The following TOP1 variants were observed in gnomAD, a reference collection of about 807,000 sequenced individuals.
TOP1 encodes DNA topoisomerase I.
TOP1 carries 10 observed loss-of-function variants against 111.1 expected under a neutral mutation model. The ratio of observed to expected loss-of-function variants is 0.09; its 90% CI spans 0.06 to 0.15. The LOEUF (loss-of-function observed/expected upper bound fraction) is 0.15. Ranked by LOEUF, TOP1 falls within the 10% of genes least tolerant of loss-of-function variation. The probability of loss-of-function intolerance (pLI) is 1.00; values close to 1 mark genes in which losing one functional copy is unlikely to be tolerated. For synonymous variants in TOP1, 271 were observed against 302.9 expected (o/e 0.89, Z 1.10); for missense variants, 474 against 926.7 (o/e 0.51, Z 6.34).
intron 17 of TOP1, among the ~76,000 whole-genome samples, chr20:41,117,296 C>T (rs966817896): frequency 6.6e-6 from 1 of 151,798 alleles, no homozygotes; most frequent in Non-Finnish European, 1.5e-5. Flanking sequence ...GACCATACCA[C>T]CGCACTCCAG....
rs1023485670 is a variant in TOP1, at chr20:41,122,940, T to G, written c.2196-255T>G. 4.6e-5 allele frequency among the ~76,000 whole-genome samples: 7 copies of G among 152,230 alleles called. No individual in the cohort carries two copies. Among genetic ancestry groups the G allele is most frequent in the African/African-American group, 1.7e-4 (7 of 41,450 alleles). ...CTAGCTGTGTGAGAAAATCAGTAAA[T>G]TACCTAACGTCTCTGCCTCAGTTTC... On this transcript the variant is annotated intron_variant, in intron 20 of 20. Coordinates refer to ENST00000361337, the MANE Select transcript of TOP1 (RefSeq NM_003286.4). The surrounding 1 kb of genome is among the most constrained non-coding windows in gnomAD (Gnocchi z 5.4).
At chr20:41,068,638 T>C (rs1010056371) in intron 3 of TOP1, among the ~76,000 whole-genome samples, 12 of 152,100 alleles carry the variant, frequency 7.9e-5, no homozygotes, top group African/African-American at 2.9e-4. Flanking sequence ...ACTTCTGGGC[T>C]CCCACATTGG....
rs551122330 is a variant in TOP1, at chr20:41,087,032, A to C, written c.614+2464A>C. Among the ~76,000 whole-genome samples, 11 of 152,332 alleles carry C rather than the reference A, an allele frequency of 7.2e-5. 1 individual carries two copies. The highest frequency in any genetic ancestry group is 4.1e-4 in the South Asian group (2 of 4,824). ...CCTTATTTTTACTATTCCTTATGCTATCCTACTAAAAGAAGTACACACTTT... is the reference window on the plus strand; with the variant it reads ...CCTTATTTTTACTATTCCTTATGCTCTCCTACTAAAAGAAGTACACACTTT... On this transcript the variant is annotated intron_variant, in intron 8 of 20. Transcript: ENST00000361337.
At chr20:41,042,515 G>A (rs1164579616) in intron 2 of TOP1, among the ~76,000 whole-genome samples, 1 of 152,226 alleles carries the variant, frequency 6.6e-6, no homozygotes, top group Non-Finnish European at 1.5e-5. Flanking sequence ...ACTTTAGAAA[G>A]TAAGTGGAAT....
At chr20:41,064,475 C>T (rs1040673841) in intron 3 of TOP1, among the ~76,000 whole-genome samples, 1 of 152,224 alleles carries the variant, frequency 6.6e-6, no homozygotes, top group African/African-American at 2.4e-5. Context: ...TTCTAATGCA[C>T]AGTCATTCCT....
chr20:41,053,274 G>A (rs1348008412), intron 2 of TOP1, among the ~76,000 whole-genome samples: 1 of 151,954 alleles, frequency 6.6e-6, no homozygotes, highest in African/African-American at 2.4e-5. Context: ...TTAGCTTTCA[G>A]TAAGACTTGG....
chr20:41,110,057 C>T lies in TOP1; in HGVS notation c.1309-2725C>T, dbSNP rs532335468. Among the ~76,000 whole-genome samples, 3 of 152,234 alleles carry T rather than the reference C, an allele frequency of 2.0e-5. No individual in the cohort carries two copies. Among genetic ancestry groups the T allele is most frequent in the Admixed American group, 1.3e-4 (2 of 15,294 alleles). ...ATCCAAGCACTCTGGGAGGCCAAGG[C>T]GGGTGGATCACTTCAGGTCAGGAGT... On this transcript the variant is annotated intron_variant, in intron 13 of 20. Transcript: ENST00000361337. The surrounding 1 kb of genome is among the most constrained non-coding windows in gnomAD (Gnocchi z 4.2).
chr20:41,029,299 G>A lies in TOP1; in HGVS notation c.34-132G>A. 1 of 849,516 alleles carries A rather than the reference G, an allele frequency of 1.2e-6. No homozygotes were observed. Among genetic ancestry groups the A allele is most frequent in the Non-Finnish European group, 1.7e-6 (1 of 583,610 alleles). The allele number at this position is 849,516 out of a possible 1,614,324, so 52.6% of individuals were successfully genotyped here. A position where few individuals can be genotyped will look rare whatever the true frequency, so the allele number is the denominator to read the frequency against. ...GTTACAGTTCGAGGCAGGGATGGCT[G>A]CCCTCTGTGGCCACCCCCGGGTCCC... On this transcript the variant is annotated intron_variant, in intron 1 of 20. Coordinates refer to ENST00000361337, the MANE Select transcript of TOP1 (RefSeq NM_003286.4). The surrounding 1 kb of genome is among the most constrained non-coding windows in gnomAD (Gnocchi z 6.1).
chr20:41,121,915 G>A lies in TOP1; in HGVS notation c.2046-91G>A, dbSNP rs2034430128. The stretch of plus-strand genomic sequence containing the variant: ...TGTCTTTTGGAAATCTCTATACTAG[G>A]GCTTTTATTGACTCAAAGTGGCAGG... On this transcript the variant is annotated intron_variant, in intron 19 of 20. Transcript: ENST00000361337. This position sits in a 1 kb window ranked among gnomAD's most constrained non-coding sequence, Gnocchi z 4.2. 2.6e-6 allele frequency: 4 copies of A among 1,564,518 alleles called. No individual in the cohort carries two copies. The South Asian group carries it at 4.6e-5, about 18-fold the overall frequency.
chr20:41,090,069 G>A (rs2033901659), intron 8 of TOP1, among the ~76,000 whole-genome samples: 2 of 152,032 alleles, frequency 1.3e-5, no homozygotes, highest in South Asian at 4.2e-4. Flanking sequence ...TGCCTCCCAG[G>A]TTCAAGTGAT....
In TOP1 at chr20:41,091,965, C is replaced by T. The variant is rs2033925954; in HGVS notation, c.615-507C>T. Among the ~76,000 whole-genome samples the T allele has an allele frequency of 2.0e-5, 3 of 152,250 alleles. No homozygotes were observed. In the South Asian group the frequency reaches 6.2e-4, roughly 32 times the overall value. On this transcript the variant is annotated intron_variant, in intron 8 of 20. Coordinates refer to ENST00000361337, the MANE Select transcript of TOP1 (RefSeq NM_003286.4). Reference sequence around the variant, plus strand: ...CTTATCAGTGTTTGCTAGATAGTTCCAGGTAATGCGTAAGTACCTTAAACT... The same window carrying T: ...CTTATCAGTGTTTGCTAGATAGTTCTAGGTAATGCGTAAGTACCTTAAACT...
At chr20:41,099,338 C>T (rs2034026698) in intron 11 of TOP1, among the ~76,000 whole-genome samples, 1 of 152,120 alleles carries the variant, frequency 6.6e-6, no homozygotes, top group Non-Finnish European at 1.5e-5. Context: ...CTTAAAAGAT[C>T]ACTTTGGAGC....
chr20:41,104,329 G>T (rs968339491), intron 13 of TOP1, among the ~76,000 whole-genome samples: 1 of 152,222 alleles, frequency 6.6e-6, no homozygotes, highest in African/African-American at 2.4e-5. Context: ...CAAACAAGAA[G>T]TAGAGAGATC....
At chr20:41,063,488 T>G (rs999042297) in intron 3 of TOP1, among the ~76,000 whole-genome samples, 1 of 152,314 alleles carries the variant, frequency 6.6e-6, no homozygotes, top group East Asian at 1.9e-4. Context: ...AAGGTAGTTG[T>G]TTTTTTAAGT....
At chr20:41,084,126 A>G (rs541442984) in intron 7 of TOP1, among the ~76,000 whole-genome samples, 4 of 152,264 alleles carry the variant, frequency 2.6e-5, no homozygotes, top group South Asian at 2.1e-4. Context: ...AGGATTAAAC[A>G]TAAGTGAGGA....
rs113847550 is a variant in TOP1, at chr20:41,082,986, A to G, written c.508-1476A>G. 1.3e-5 allele frequency among the ~76,000 whole-genome samples: 2 copies of G among 152,368 alleles called. No individual in the cohort carries two copies. The highest frequency in any genetic ancestry group is 1.9e-4 in the East Asian group (1 of 5,190). ...GGGAAAAATGCTGGCTGAAAGACTG[A>G]ATTAATACAATCTTACTGTGGCAGG... On this transcript the variant is annotated intron_variant, in intron 7 of 20. Transcript: ENST00000361337. This position sits in a 1 kb window ranked among gnomAD's most constrained non-coding sequence, Gnocchi z 4.1.
rs1384675104 is a variant in TOP1, at chr20:41,110,286, A to AG, written c.1309-2493dup. Among the ~76,000 whole-genome samples, 3 of 152,052 alleles carry AG rather than the reference A, an allele frequency of 2.0e-5. No individual in the cohort carries two copies. The highest frequency in any genetic ancestry group is 6.6e-5 in the Admixed American group (1 of 15,258). ...GTGACAGAGCGAGACGCTGTCTCAG[A>AG]GGGAAAAAAAAAAGTTAAAAAGGCA... On this transcript the variant is annotated intron_variant, in intron 13 of 20. Transcript: ENST00000361337. This position sits in a 1 kb window ranked among gnomAD's most constrained non-coding sequence, Gnocchi z 4.2.
At position 41,032,238 on chromosome 20, in the gene TOP1, T is replaced by C. The variant is rs1433533957; in HGVS notation, c.58+2783T>C. The stretch of plus-strand genomic sequence containing the variant: ...CCTCATCCCCTAAGATATAAAAGAT[T>C]CCCCCCCGTCCCCCCACTTTGGAGC... On this transcript the variant is annotated intron_variant, in intron 2 of 20. Coordinates refer to ENST00000361337, the MANE Select transcript of TOP1 (RefSeq NM_003286.4). The surrounding 1 kb of genome is among the most constrained non-coding windows in gnomAD (Gnocchi z 4.3). Among the ~76,000 whole-genome samples the C allele has an allele frequency of 6.6e-6, 1 of 151,754 alleles. No individual in the cohort carries two copies. The highest frequency in any genetic ancestry group is 1.5e-5 in the Non-Finnish European group (1 of 67,952).
At position 41,058,950 on chromosome 20, in the gene TOP1, G is replaced by A. The variant is rs558027085; in HGVS notation, c.59-2444G>A. On this transcript the variant is annotated intron_variant, in intron 2 of 20. Coordinates refer to ENST00000361337, the MANE Select transcript of TOP1 (RefSeq NM_003286.4). This position sits in a 1 kb window ranked among gnomAD's most constrained non-coding sequence, Gnocchi z 4.2. Reference sequence around the variant, plus strand: ...TAATGGTAGACTGGATTAAAAAAAAGAATGTGGCGCATGTACACCACGGAA... The same window carrying A: ...TAATGGTAGACTGGATTAAAAAAAAAAATGTGGCGCATGTACACCACGGAA... Among the ~76,000 whole-genome samples the A allele has an allele frequency of 4.6e-5, 7 of 152,160 alleles. No individual in the cohort carries two copies. Among genetic ancestry groups the A allele is most frequent in the African/African-American group, 1.7e-4 (7 of 41,526 alleles).
Sources: gnomAD v4.1 joint callset for allele counts (sites outside exome capture counted in the v4.1 genomes callset) on GRCh38, gnomAD v4.1.1 for gene constraint, Gnocchi (gnomAD v3.1) non-coding constraint, MANE v1.5 for transcripts, NCBI Gene and HGNC (gene_info 2026-07-23, HGNC 2026-07-21) for gene names.